RNLS: variants seen among roughly 807,000 people sequenced by gnomAD.
RNLS encodes the protein renalase, FAD dependent amine oxidase, also known as renalase.
In RNLS, 39 loss-of-function variants were observed where a neutral mutation model predicts 39.8. That is an observed-to-expected ratio of 0.98 (90% CI 0.76 to 1.28). The LOEUF is 1.28. Ranked by LOEUF, RNLS falls within the 50% of genes most tolerant of loss-of-function variation. The probability of loss-of-function intolerance (pLI) is 0.00; values close to 1 mark genes in which losing one functional copy is unlikely to be tolerated. For missense variants in RNLS, 410 were observed against 413.3 expected, an observed-to-expected ratio of 0.99 and a Z score of 0.07; for synonymous variants, 147 against 150.7, an observed-to-expected ratio of 0.98 and a Z score of 0.18.
intron 4 of RNLS, among the ~76,000 whole-genome samples, chr10:88,487,452 T>C (rs925959580): frequency 6.6e-5 from 10 of 152,110 alleles, no homozygotes; most frequent in Admixed American, 1.3e-4. Flanking sequence ...AGAAGACATA[T>C]AGATGGTAAA....
chr10:88,491,957 GT>G lies in RNLS; in HGVS notation c.526+80945del, dbSNP rs1248792392. Among the ~76,000 whole-genome samples, 868 of 129,372 alleles carry G rather than the reference GT, an allele frequency of 6.7e-3. 1 individual carries two copies. Among genetic ancestry groups the G allele is most frequent in the African/African-American group, 8.9e-3 (289 of 32,532 alleles). The allele number at this position is 129,372 out of a possible 152,430, so 84.9% of individuals were successfully genotyped here. A position where few individuals can be genotyped will look rare whatever the true frequency, so the allele number is the denominator to read the frequency against. ...GGGTATTAGGGAGAAAAAGAGTTTT[GT>G]TTTTTTTTTTTTTTTTAGGGGTAAA... On this transcript the variant is annotated intron_variant, in intron 4 of 6. Coordinates refer to ENST00000331772, the MANE Select transcript of RNLS (RefSeq NM_001031709.3).
intron 5 of RNLS, among the ~76,000 whole-genome samples, chr10:88,323,033 C>T (rs1157067624): frequency 6.6e-6 from 1 of 152,244 alleles, no homozygotes. Context: ...ATCCCACTTA[C>T]ATTTGCCACA....
intron 4 of RNLS, among the ~76,000 whole-genome samples, chr10:88,417,200 G>T (rs1015277079): frequency 6.6e-5 from 10 of 152,116 alleles, no homozygotes; most frequent in Admixed American, 2.0e-4. Context: ...TATATGTTTT[G>T]AAATTTCCAA....
chr10:88,311,431 G>A (rs1198117757), intron 6 of RNLS, among the ~76,000 whole-genome samples: 1 of 152,138 alleles, frequency 6.6e-6, no homozygotes, highest in Non-Finnish European at 1.5e-5. Flanking sequence ...AATTATGGAA[G>A]GCAAATAGCT....
the RNLS span, among the ~76,000 whole-genome samples, chr10:88,185,692 C>A: frequency 6.6e-6 from 1 of 151,996 alleles, no homozygotes; most frequent in Non-Finnish European, 1.5e-5. Context: ...TGTCAATTAA[C>A]CAAATCCTAG....
chr10:88,226,417 C>G, the RNLS span, among the ~76,000 whole-genome samples: 2 of 152,112 alleles, frequency 1.3e-5, no homozygotes, highest in Non-Finnish European at 2.9e-5. Context: ...GGTCCCAGCT[C>G]CAGCTGGGAC....
At chr10:88,301,307 T>C (rs1448103341) in intron 6 of RNLS, among the ~76,000 whole-genome samples, 2 of 152,212 alleles carry the variant, frequency 1.3e-5, no homozygotes, top group Non-Finnish European at 2.9e-5. Context: ...CTCACACATA[T>C]GTACTACCTC....
At chr10:88,506,653 C>T (rs1845812045) in intron 4 of RNLS, among the ~76,000 whole-genome samples, 1 of 151,778 alleles carries the variant, frequency 6.6e-6, no homozygotes, top group Admixed American at 6.6e-5. Context: ...TACATTAAGG[C>T]AAAAGATGTC....
At chr10:88,346,249 T>C (rs1362476141) in intron 5 of RNLS, among the ~76,000 whole-genome samples, 1 of 152,178 alleles carries the variant, frequency 6.6e-6, no homozygotes, top group Non-Finnish European at 1.5e-5. Context: ...AGTGGGATTC[T>C]TTGAAGTGTA....
intron 4 of RNLS, among the ~76,000 whole-genome samples, chr10:88,405,455 T>C (rs1419151681): frequency 6.6e-6 from 1 of 152,134 alleles, no homozygotes; most frequent in Non-Finnish European, 1.5e-5. Context: ...ATAATGTCCA[T>C]CTTTGTCTCT....
intron 4 of RNLS, among the ~76,000 whole-genome samples, chr10:88,434,240 C>T (rs1855316869): frequency 6.6e-6 from 1 of 152,070 alleles, no homozygotes; most frequent in African/African-American, 2.4e-5. Context: ...GTAGTCATAT[C>T]GAAAACAAGC....
At chr10:88,409,315 T>C (rs1853507912) in intron 4 of RNLS, among the ~76,000 whole-genome samples, 1 of 152,146 alleles carries the variant, frequency 6.6e-6, no homozygotes, top group Non-Finnish European at 1.5e-5. Context: ...AACACACATC[T>C]AAAAGCGTTA....
At chr10:88,174,722 TTTG>T in the RNLS span, among the ~76,000 whole-genome samples, 4 of 152,202 alleles carry the variant, frequency 2.6e-5, no homozygotes, top group South Asian at 4.1e-4. Flanking sequence ...GTTTTGTGTA[TTTG>T]TTGTTGTATC....
chr10:88,509,014 T>TG (rs1223384841), intron 4 of RNLS, among the ~76,000 whole-genome samples: 2 of 144,624 alleles, frequency 1.4e-5, no homozygotes, highest in African/African-American at 2.6e-5. Context: ...TTGGTGGGGG[T>TG]GGGGGGGCTG....
chr10:88,561,654 G>A (rs1213164547), intron 4 of RNLS, among the ~76,000 whole-genome samples: 1 of 151,974 alleles, frequency 6.6e-6, no homozygotes, highest in African/African-American at 2.4e-5. Flanking sequence ...ATAATCCTTA[G>A]CAATCAGGAA....
At chr10:88,431,858 T>C (rs1465731258) in intron 4 of RNLS, among the ~76,000 whole-genome samples, 2 of 151,872 alleles carry the variant, frequency 1.3e-5, no homozygotes, top group East Asian at 3.9e-4. Context: ...TTTTAAAGTT[T>C]ACTGACAATG....
chr10:88,325,406 G>A lies in RNLS; in HGVS notation c.701-10765C>T, dbSNP rs1355389765. 2.6e-5 allele frequency among the ~76,000 whole-genome samples: 4 copies of A among 152,248 alleles called. No individual in the cohort carries two copies. The South Asian group carries it at 6.2e-4, about 24-fold the overall frequency. On this transcript the variant is annotated intron_variant, in intron 5 of 6. Transcript: ENST00000331772. Reference sequence around the variant, plus strand: ...AATTTTGAGTGAAGGTCAGGACACCGAATGTTGATAAAAACAGCAGCAACC... The same window carrying A: ...AATTTTGAGTGAAGGTCAGGACACCAAATGTTGATAAAAACAGCAGCAACC...
At chr10:88,499,817 C>T (rs1431955517) in intron 4 of RNLS, among the ~76,000 whole-genome samples, 2 of 152,142 alleles carry the variant, frequency 1.3e-5, no homozygotes, top group Non-Finnish European at 2.9e-5. Flanking sequence ...GTGGGCCCCA[C>T]TTATCATCCA....
At chr10:88,560,831 T>A (rs61852497) in intron 4 of RNLS, among the ~76,000 whole-genome samples, 16,711 of 151,788 alleles carry the variant, frequency 0.11, 1,216 homozygotes, top group Non-Finnish European at 0.16. Context: ...ATATAGACCA[T>A]CATGGAGGAA....
Sources: allele counts gnomAD v4.1 joint callset (sites outside exome capture counted in the v4.1 genomes callset), GRCh38; gene constraint gnomAD v4.1.1; transcripts MANE v1.5; gene names NCBI Gene and HGNC (gene_info 2026-07-23, HGNC 2026-07-21).